Variants in LINGO1 observed in about 807,000 individuals in gnomAD.
LINGO1 encodes leucine rich repeat and Ig domain containing 1, also known as leucine-rich repeat and immunoglobulin-like domain-containing nogo receptor-interacting protein 1.
In LINGO1, 11 loss-of-function variants were observed where a neutral mutation model predicts 37.3. That is an observed-to-expected ratio of 0.29 (90% confidence interval 0.19 to 0.49). The LOEUF is 0.49. Among genes scored for constraint, LINGO1 ranks in the 20% least tolerant of loss-of-function variants. The pLI, the probability that LINGO1 is intolerant of heterozygous loss-of-function variation, is 0.99. For missense variants in LINGO1, 585 were observed against 878.2 expected (o/e 0.67, Z 4.22); for synonymous variants, 387 against 403.0 (o/e 0.96, Z 0.48).
At chr15:77,706,371 G>T (rs761731561) in intron 2 of LINGO1, among the ~76,000 whole-genome samples, 1 of 152,156 alleles carries the variant, frequency 6.6e-6, no homozygotes. Flanking sequence ...CAGCAGCCAG[G>T]GCAGCACTGT....
rs541440944 is a variant in LINGO1, at chr15:77,722,468, C to T, written c.-195+12524G>A. Among the ~76,000 whole-genome samples the T allele has an allele frequency of 2.0e-5, 3 of 152,334 alleles. No homozygotes were observed. The South Asian group carries it at 6.2e-4, about 32-fold the overall frequency. ...GAGTCAAGTGGCCCAGGTTCAAATC[C>T]CCACTTGGCCACTCACAAGCTATGT... On this transcript the variant is annotated intron_variant, in intron 2 of 3. Coordinates refer to the LINGO1 transcript ENST00000561686.
chr15:77,624,679 A>G (rs1012558720), intron 1 of LINGO1, among the ~76,000 whole-genome samples: 2 of 151,834 alleles, frequency 1.3e-5, no homozygotes, highest in African/African-American at 4.8e-5. Context: ...ATTCTGGATG[A>G]GCAAAATGGG....
At chr15:77,758,322 C>T (rs1048781813) in intron 1 of LINGO1, among the ~76,000 whole-genome samples, 11 of 152,208 alleles carry the variant, frequency 7.2e-5, no homozygotes, top group African/African-American at 2.4e-4. Flanking sequence ...AGTCCGGCTT[C>T]ACCCCTCACT....
At chr15:77,764,588 G>T (rs2076508950) in intron 1 of LINGO1, among the ~76,000 whole-genome samples, 1 of 152,188 alleles carries the variant, frequency 6.6e-6, no homozygotes, top group South Asian at 2.1e-4. Flanking sequence ...ACATGAGAAG[G>T]CTTGCTGAAG....
chr15:77,691,938 C>A (rs1411610975), intron 1 of LINGO1, among the ~76,000 whole-genome samples: 2 of 152,144 alleles, frequency 1.3e-5, no homozygotes, highest in East Asian at 3.9e-4. Context: ...ATCACAGGGT[C>A]CAGATTACAG....
At chr15:77,647,970 T>C (rs146618809) in intron 3 of LINGO1, 3 of 455,560 alleles carry the variant, frequency 6.6e-6, no homozygotes, top group Non-Finnish European at 1.3e-5. Context: ...CAGTGAGATA[T>C]CTATTTCCTT....
chr15:77,799,577 C>T (rs1445960782), intron 1 of LINGO1, among the ~76,000 whole-genome samples: 2 of 152,166 alleles, frequency 1.3e-5, no homozygotes, highest in Admixed American at 1.3e-4. Context: ...GACTTGCCTC[C>T]TCCTCCCCCA....
intron 1 of LINGO1, among the ~76,000 whole-genome samples, chr15:77,625,083 CCTCT>C (rs1422252486): frequency 1.1e-4 from 17 of 152,172 alleles, no homozygotes; most frequent in African/African-American, 4.1e-4. Flanking sequence ...GCCGTCAGGG[CCTCT>C]CTATTTGGGA....
At chr15:77,748,927 T>C (rs1231052507) in intron 1 of LINGO1, among the ~76,000 whole-genome samples, 5 of 132,514 alleles carry the variant, frequency 3.8e-5, no homozygotes, top group Non-Finnish European at 3.3e-5. Context: ...TTTTTTTTTT[T>C]TTTGGAGTCT....
intron 1 of LINGO1, among the ~76,000 whole-genome samples, chr15:77,691,460 T>C (rs12898861): frequency 0.57 from 85,942 of 151,776 alleles, 24,643 homozygotes; most frequent in African/African-American, 0.65. Context: ...TCTTGCTGTC[T>C]TGATACCCAT....
intron 1 of LINGO1, among the ~76,000 whole-genome samples, chr15:77,744,233 A>AG (rs34041228): frequency 0.19 from 28,623 of 152,198 alleles, 3,212 homozygotes; most frequent in Middle Eastern, 0.26. Flanking sequence ...TCTGACCCTC[A>AG]GTAAGAATAA....
chr15:77,717,718 G>GCCCAA (rs2141304890), intron 2 of LINGO1, among the ~76,000 whole-genome samples: 1 of 150,300 alleles, frequency 6.7e-6, no homozygotes, highest in African/African-American at 2.4e-5. Flanking sequence ...ACCAAGCCCA[G>GCCCAA]GCCCGGGCTG....
At chr15:77,672,366 G>A (rs921999926) in intron 3 of LINGO1, among the ~76,000 whole-genome samples, 4 of 152,144 alleles carry the variant, frequency 2.6e-5, no homozygotes, top group African/African-American at 7.2e-5. Flanking sequence ...TGCCTGCAGA[G>A]GTGTTAACTG....
At chr15:77,775,009 C>G (rs550137250) in intron 1 of LINGO1, among the ~76,000 whole-genome samples, 1 of 152,212 alleles carries the variant, frequency 6.6e-6, no homozygotes, top group Non-Finnish European at 1.5e-5. Flanking sequence ...CCACGTCTCA[C>G]GTCGCCTGGG....
At chr15:77,780,238 G>A (rs2076702255) in intron 1 of LINGO1, among the ~76,000 whole-genome samples, 1 of 152,116 alleles carries the variant, frequency 6.6e-6, no homozygotes, top group Non-Finnish European at 1.5e-5. Flanking sequence ...GAGGGCCTTG[G>A]AGAGCAGGCC....
chr15:77,767,029 G>A (rs1415995456), intron 1 of LINGO1, among the ~76,000 whole-genome samples: 2 of 152,134 alleles, frequency 1.3e-5, no homozygotes, highest in Admixed American at 1.3e-4. Context: ...GGTTAACTGG[G>A]GTTCCAGAAA....
At chr15:77,677,912 G>A (rs1345227195) in intron 2 of LINGO1, among the ~76,000 whole-genome samples, 2 of 152,210 alleles carry the variant, frequency 1.3e-5, no homozygotes, top group Non-Finnish European at 2.9e-5. Flanking sequence ...GCCCAGAGGA[G>A]GGTGAAGCCC....
intron 1 of LINGO1, among the ~76,000 whole-genome samples, chr15:77,776,556 G>GGAAAGCA (rs1307931922): frequency 6.0e-5 from 9 of 150,740 alleles, no homozygotes; most frequent in South Asian, 2.1e-4. Context: ...GAGGGAGGGA[G>GGAAAGCA]GGAGCTGACT....
At chr15:77,775,997 A>C (rs535620667) in intron 1 of LINGO1, among the ~76,000 whole-genome samples, 157 of 151,822 alleles carry the variant, frequency 1.0e-3, no homozygotes, top group Non-Finnish European at 2.0e-3. Flanking sequence ...CATCCCTCTC[A>C]ATGTCCTCGT....
Sources: gnomAD v4.1 joint callset for allele counts (sites outside exome capture counted in the v4.1 genomes callset) on GRCh38, gnomAD v4.1.1 for gene constraint, MANE v1.5 for transcripts, NCBI Gene and HGNC (gene_info 2026-07-23, HGNC 2026-07-21) for gene names.